PLOD2: variants seen among roughly 807,000 people sequenced by gnomAD.
The protein encoded by PLOD2 is lysine hydroxylase 2.
In PLOD2, 65 loss-of-function variants were observed where a neutral mutation model predicts 101.0. The ratio of observed to expected loss-of-function variants is 0.64; its 90% confidence interval spans 0.53 to 0.79. The LOEUF is 0.79. PLOD2 is among the 30% of genes least tolerant of loss of function. The pLI, the probability that PLOD2 is intolerant of heterozygous loss-of-function variation, is 0.00. For missense variants in PLOD2, 909 were observed against 914.6 expected, an observed-to-expected ratio of 0.99 and a Z score of 0.08; for synonymous variants, 314 against 302.9, an observed-to-expected ratio of 1.04 and a Z score of -0.38.
intron 7 of PLOD2, among the ~76,000 whole-genome samples, chr3:146,100,585 G>C (rs985465227): frequency 4.6e-5 from 7 of 152,156 alleles, no homozygotes; most frequent in African/African-American, 1.7e-4. Flanking sequence ...AGGATTCCAG[G>C]ATATATAAAA....
chr3:146,111,973 T>C (rs1937652761), intron 3 of PLOD2, among the ~76,000 whole-genome samples: 1 of 152,126 alleles, frequency 6.6e-6, no homozygotes, highest in Non-Finnish European at 1.5e-5. Context: ...AACAGACCCT[T>C]TGTGCATTGC....
chr3:146,127,514 T>A (rs530690398), intron 1 of PLOD2, among the ~76,000 whole-genome samples: 139 of 152,234 alleles, frequency 9.1e-4, no homozygotes, highest in African/African-American at 3.2e-3. Flanking sequence ...CATTTTTTTT[T>A]AATAGCTGTG....
At chr3:146,086,462 G>A (rs1162354796) in intron 10 of PLOD2, 2 of 175,966 alleles carry the variant, frequency 1.1e-5, no homozygotes, top group Non-Finnish European at 2.4e-5. Flanking sequence ...ACAACCTTCA[G>A]AGTGTACATT....
chr3:146,069,540 C>T lies in PLOD2; in HGVS notation c.*1177G>A, dbSNP rs557661950. 1 of 152,130 alleles carries T rather than the reference C, an allele frequency of 6.6e-6. No individual in the cohort carries two copies. The highest frequency in any genetic ancestry group is 2.4e-5 in the African/African-American group (1 of 41,424). 9.4% of individuals were successfully genotyped at this position (152,130 alleles called of 1,614,324 possible). A position where few individuals can be genotyped will look rare whatever the true frequency, so the allele number is the denominator to read the frequency against. ...AATTTCTTTTCAAGTTTAACCTTTACATTAAAAACAGTAGCTACAATAAGG... is the reference window on the plus strand; with the variant it reads ...AATTTCTTTTCAAGTTTAACCTTTATATTAAAAACAGTAGCTACAATAAGG... On this transcript the variant is annotated 3_prime_UTR_variant, in exon 20 of 20. Coordinates refer to ENST00000282903, the MANE Select transcript of PLOD2 (RefSeq NM_182943.3).
intron 5 of PLOD2, among the ~76,000 whole-genome samples, chr3:146,104,638 T>C (rs1262723010): frequency 6.6e-6 from 1 of 152,138 alleles, no homozygotes; most frequent in African/African-American, 2.4e-5. Context: ...TTATTAAATA[T>C]CAACTTATAT....
chr3:146,155,554 A>AG (rs917524664), intron 1 of PLOD2, among the ~76,000 whole-genome samples: 5 of 150,924 alleles, frequency 3.3e-5, no homozygotes, highest in Non-Finnish European at 7.4e-5. Context: ...CTACTAAAAA[A>AG]AAAATACAAA....
At chr3:146,121,652 G>A (rs911084134) in intron 2 of PLOD2, among the ~76,000 whole-genome samples, 1 of 151,950 alleles carries the variant, frequency 6.6e-6, no homozygotes, top group African/African-American at 2.4e-5. Flanking sequence ...TCCTTGATGA[G>A]GGGCCTTTAA....
At position 146,124,146 on chromosome 3, in the gene PLOD2, T is replaced by C. The variant is rs375414751; in HGVS notation, c.193A>G (p.Thr65Ala). 6 of 1,534,782 alleles carry C rather than the reference T, an allele frequency of 3.9e-6. No homozygotes were observed. Among genetic ancestry groups the C allele is most frequent in the Non-Finnish European group, 5.4e-6 (6 of 1,108,814 alleles). The change falls in exon 2 of 20, where the codon ACT becomes GCT. Residue 65 changes from threonine (T) to alanine (A), a missense_variant. By Grantham distance (58) the Thr-to-Ala change is moderately conservative. Transcript: ENST00000282903. ...FMQSAKYFNYTVKVLGQGEEW... is the reference protein window; with the variant it reads ...FMQSAKYFNYAVKVLGQGEEW... ...TAAAGGATATACCATACCTTCACAG[T>C]ATAATTGAAATATTTGGCTGACTGC...
chr3:146,133,759 G>A (rs2031066322), intron 1 of PLOD2, among the ~76,000 whole-genome samples: 1 of 152,274 alleles, frequency 6.6e-6, no homozygotes, highest in Non-Finnish European at 1.5e-5. Flanking sequence ...GGTTCAATCA[G>A]AGTAAAACTT....
At chr3:146,097,998 C>T (rs904478554) in intron 7 of PLOD2, among the ~76,000 whole-genome samples, 1 of 151,828 alleles carries the variant, frequency 6.6e-6, no homozygotes, top group Non-Finnish European at 1.5e-5. Flanking sequence ...GGGAGCTGAA[C>T]AATGAGAACT....
At chr3:146,083,586 T>C (rs13063652) in intron 11 of PLOD2, among the ~76,000 whole-genome samples, 3 of 137,244 alleles carry the variant, frequency 2.2e-5, no homozygotes, top group African/African-American at 5.4e-5. Context: ...TCTTTTTTTT[T>C]TTTTTTTTTT....
chr3:146,142,344 A>T (rs1210605420), intron 1 of PLOD2, among the ~76,000 whole-genome samples: 1 of 152,066 alleles, frequency 6.6e-6, no homozygotes, highest in African/African-American at 2.4e-5. Context: ...AGCAAAACAA[A>T]TCAGTGCAAA....
At chr3:146,073,449 T>C in intron 15 of PLOD2, 97 bp from the exon 16 acceptor site, 1 of 499,260 alleles carries the variant, frequency 2.0e-6, no homozygotes, top group Non-Finnish European at 3.6e-6. Context: ...AACTTATAAA[T>C]GATTATGTAT....
At chr3:146,071,513 T>A in intron 17 of PLOD2, 90 bp from the exon 18 acceptor site, 2 of 1,206,398 alleles carry the variant, frequency 1.7e-6, no homozygotes, top group African/African-American at 1.5e-5. Context: ...CAGATCATAA[T>A]AGACAATAAA....
chr3:146,146,563 A>C (rs1485091385), intron 1 of PLOD2, among the ~76,000 whole-genome samples: 1 of 152,158 alleles, frequency 6.6e-6, no homozygotes, highest in Non-Finnish European at 1.5e-5. Flanking sequence ...AGACAGACAT[A>C]TGGACAGCAG....
chr3:146,137,156 C>T (rs1346666867), intron 1 of PLOD2, among the ~76,000 whole-genome samples: 1 of 152,104 alleles, frequency 6.6e-6, no homozygotes, highest in Non-Finnish European at 1.5e-5. Flanking sequence ...ATGGAATTGA[C>T]TAAAAGGTAT....
intron 1 of PLOD2, among the ~76,000 whole-genome samples, chr3:146,136,261 A>G (rs1412848362): frequency 6.6e-6 from 1 of 152,130 alleles, no homozygotes; most frequent in African/African-American, 2.4e-5. Context: ...TGCTGAATAA[A>G]TGAAATACTG....
intron 5 of PLOD2, 137 bp downstream of exon 5, chr3:146,106,395 T>C (rs1478266921): frequency 1.5e-6 from 1 of 677,064 alleles, no homozygotes; most frequent in East Asian, 2.7e-5. Flanking sequence ...TTAAAATATG[T>C]TTTCAACATT....
intron 3 of PLOD2, among the ~76,000 whole-genome samples, chr3:146,114,366 ATTTC>A (rs1400297399): frequency 2.6e-5 from 4 of 152,100 alleles, no homozygotes. Context: ...CGTCTCAGGT[ATTTC>A]TTATAGCAGC....
Sources: gnomAD v4.1 joint callset for allele counts (sites outside exome capture counted in the v4.1 genomes callset) on GRCh38, gnomAD v4.1.1 for gene constraint, MANE v1.5 for transcripts, NCBI Gene and HGNC (gene_info 2026-07-23, HGNC 2026-07-21) for gene names.